The following ITFG1 variants were observed in gnomAD, a reference collection of about 807,000 sequenced individuals.
ITFG1 encodes the protein T-cell immunomodulatory protein.
A neutral mutation model predicts 81.8 loss-of-function variants in ITFG1; 34 were observed. That is an observed-to-expected ratio of 0.42 (90% CI 0.32 to 0.55). The LOEUF (loss-of-function observed/expected upper bound fraction) is 0.55. Among genes scored for constraint, ITFG1 ranks in the 20% least tolerant of loss-of-function variants. The pLI is 0.17. For missense variants in ITFG1, 672 were observed against 755.4 expected (o/e 0.89, Z 1.29); for synonymous variants, 285 against 270.6 (o/e 1.05, Z -0.52).
At chr16:47,317,676 G>A (rs28532949) in intron 8 of ITFG1, 16,326 of 152,188 alleles carry the variant, frequency 0.11, 1,835 homozygotes, top group African/African-American at 0.29. Flanking sequence ...TAAGTTCTCC[G>A]GCTGACTGGA....
intron 8 of ITFG1, among the ~76,000 whole-genome samples, chr16:47,340,609 A>G (rs1243415807): frequency 6.6e-6 from 1 of 152,222 alleles, no homozygotes; most frequent in Non-Finnish European, 1.5e-5. Context: ...AGGAAACGAA[A>G]GAGAAAAAAA....
At chr16:47,347,256 C>T (rs1026189446) in intron 8 of ITFG1, among the ~76,000 whole-genome samples, 5 of 152,226 alleles carry the variant, frequency 3.3e-5, no homozygotes, top group Non-Finnish European at 7.3e-5. Context: ...CATCGCCCCA[C>T]CCAGGAAGTG....
At chr16:47,414,842 A>G (rs2151604357) in intron 6 of ITFG1, among the ~76,000 whole-genome samples, 1 of 152,318 alleles carries the variant, frequency 6.6e-6, no homozygotes, top group East Asian at 1.9e-4. Flanking sequence ...AATAAAATAA[A>G]TGTTGAGTTC....
At chr16:47,211,080 A>G (rs1965555632) in intron 14 of ITFG1, among the ~76,000 whole-genome samples, 1 of 152,144 alleles carries the variant, frequency 6.6e-6, no homozygotes, top group Non-Finnish European at 1.5e-5. Flanking sequence ...GGGGACGTGG[A>G]AAGGAATTGT....
intron 5 of ITFG1, among the ~76,000 whole-genome samples, chr16:47,433,563 C>T (rs1420173651): frequency 6.6e-6 from 1 of 151,986 alleles, no homozygotes; most frequent in Non-Finnish European, 1.5e-5. Context: ...AAAATCAACA[C>T]TTAAGTTCTT....
chr16:47,333,152 C>G (rs1354378413), intron 8 of ITFG1, among the ~76,000 whole-genome samples: 1 of 151,880 alleles, frequency 6.6e-6, no homozygotes, highest in African/African-American at 2.4e-5. Context: ...TCCTGAATAT[C>G]TACTAAGTCC....
intron 6 of ITFG1, among the ~76,000 whole-genome samples, chr16:47,416,660 T>C (rs753589957): frequency 2.7e-4 from 41 of 152,058 alleles, no homozygotes; most frequent in Non-Finnish European, 5.7e-4. Flanking sequence ...AGCCTGGCAT[T>C]CCCCCCTCTC....
chr16:47,183,150 T>C (rs1020619522), intron 14 of ITFG1, among the ~76,000 whole-genome samples: 4 of 152,198 alleles, frequency 2.6e-5, no homozygotes, highest in Non-Finnish European at 5.9e-5. Flanking sequence ...GTCTCGCTGA[T>C]TGCCAGCACA....
At chr16:47,438,050 C>G (rs545345261) in intron 5 of ITFG1, among the ~76,000 whole-genome samples, 2 of 152,200 alleles carry the variant, frequency 1.3e-5, no homozygotes, top group African/African-American at 4.8e-5. Context: ...GCACCTGGCT[C>G]GGAGGGTCCT....
chr16:47,315,653 C>T (rs1967342416), intron 8 of ITFG1, among the ~76,000 whole-genome samples: 1 of 151,780 alleles, frequency 6.6e-6, no homozygotes, highest in Admixed American at 6.6e-5. Context: ...ATATCTAACT[C>T]GTGGAAACAG....
chr16:47,365,694 T>C, intron 8 of ITFG1, 94 bp downstream of exon 8: 1 of 740,278 alleles, frequency 1.4e-6, no homozygotes, highest in South Asian at 1.7e-5. Flanking sequence ...CCTGGAGTTA[T>C]TTCCTGCTAT....
At chr16:47,439,845 T>C (rs937502600) in intron 5 of ITFG1, among the ~76,000 whole-genome samples, 12 of 152,148 alleles carry the variant, frequency 7.9e-5, no homozygotes, top group African/African-American at 1.4e-4. Flanking sequence ...ATACTAACCT[T>C]AAATGTAAAT....
chr16:47,188,074 C>A (rs1416209563), intron 14 of ITFG1, among the ~76,000 whole-genome samples: 1 of 151,688 alleles, frequency 6.6e-6, no homozygotes, highest in Non-Finnish European at 1.5e-5. Context: ...TACCATCTCA[C>A]ACCAGTTAGA....
chr16:47,245,528 T>A (rs1412435013), intron 12 of ITFG1, among the ~76,000 whole-genome samples: 4 of 152,098 alleles, frequency 2.6e-5, no homozygotes, highest in Non-Finnish European at 5.9e-5. Flanking sequence ...TTTTTCCTCC[T>A]AAAAACACCA....
chr16:47,328,951 T>C (rs1473487964), intron 8 of ITFG1, among the ~76,000 whole-genome samples: 6 of 152,194 alleles, frequency 3.9e-5, no homozygotes, highest in Admixed American at 3.9e-4. Context: ...AGGTGGCTGC[T>C]AGTCTCTTCG....
chr16:47,325,395 T>A (rs1210716446), intron 8 of ITFG1, among the ~76,000 whole-genome samples: 1 of 152,106 alleles, frequency 6.6e-6, no homozygotes, highest in Non-Finnish European at 1.5e-5. Flanking sequence ...ATTGACACCC[T>A]AACATCACAA....
intron 8 of ITFG1, among the ~76,000 whole-genome samples, chr16:47,347,494 G>A (rs530498517): frequency 8.7e-4 from 132 of 152,322 alleles, no homozygotes; most frequent in Non-Finnish European, 1.7e-3. Context: ...GCAGGGCTGC[G>A]GGAGGGGCGC....
chr16:47,262,896 C>A, intron 10 of ITFG1: 1 of 155,708 alleles, frequency 6.4e-6, no homozygotes, highest in East Asian at 1.8e-4. Flanking sequence ...CCCTGGTCTT[C>A]AAGTTCTGGC....
intron 10 of ITFG1, among the ~76,000 whole-genome samples, chr16:47,293,945 G>A (rs977100361): frequency 1.3e-5 from 2 of 151,836 alleles, no homozygotes; most frequent in Non-Finnish European, 2.9e-5. Flanking sequence ...GCTGCCTGGT[G>A]GCCAGAAGAG....
Sources: allele counts gnomAD v4.1 joint callset (sites outside exome capture counted in the v4.1 genomes callset), GRCh38; gene constraint gnomAD v4.1.1; transcripts MANE v1.5; gene names NCBI Gene and HGNC (gene_info 2026-07-23, HGNC 2026-07-21).